KCND2: variants seen among roughly 807,000 people sequenced by gnomAD.
KCND2 encodes the protein A-type voltage-gated potassium channel KCND2.
KCND2 carries 16 observed loss-of-function variants against 54.4 expected under a neutral mutation model. The ratio of observed to expected loss-of-function variants is 0.29; its 90% confidence interval spans 0.20 to 0.45. The LOEUF (loss-of-function observed/expected upper bound fraction) is 0.45, where lower values mean the gene tolerates loss of function less well. Among genes scored for constraint, KCND2 ranks in the 20% least tolerant of loss-of-function variants. The pLI, the probability that KCND2 is intolerant of heterozygous loss-of-function variation, is 1.00. For missense variants in KCND2, 486 were observed against 824.2 expected (o/e 0.59, Z 5.02); for synonymous variants, 317 against 310.7 (o/e 1.02, Z -0.21).
intron 1 of KCND2, among the ~76,000 whole-genome samples, chr7:120,335,198 A>G (rs1800128296): frequency 6.6e-6 from 1 of 151,944 alleles, no homozygotes; most frequent in South Asian, 2.1e-4. Context: ...CCCCGTCTCT[A>G]CTAAAAATAC....
intron 1 of KCND2, among the ~76,000 whole-genome samples, chr7:120,384,903 A>G (rs1800965695): frequency 6.6e-6 from 1 of 152,048 alleles, no homozygotes; most frequent in Non-Finnish European, 1.5e-5. Context: ...AGTTTCGGGA[A>G]GACGAGTTGT....
intron 1 of KCND2, among the ~76,000 whole-genome samples, chr7:120,436,584 T>C (rs1801868960): frequency 6.6e-6 from 1 of 152,178 alleles, no homozygotes; most frequent in African/African-American, 2.4e-5. Context: ...AGAAACTCAA[T>C]CTCAGTCAGC....
At chr7:120,523,163 G>GTAAA (rs1791720590) in intron 1 of KCND2, among the ~76,000 whole-genome samples, 1 of 152,116 alleles carries the variant, frequency 6.6e-6, no homozygotes, top group Non-Finnish European at 1.5e-5. Context: ...ACCATTCTGT[G>GTAAA]ATTGTGTTGT....
At chr7:120,387,919 A>C (rs568385267) in intron 1 of KCND2, among the ~76,000 whole-genome samples, 10 of 152,074 alleles carry the variant, frequency 6.6e-5, no homozygotes, top group Non-Finnish European at 1.0e-4. Context: ...ACAAATCAAC[A>C]TAAATTTATA....
At chr7:120,711,104 G>A (rs999052589) in intron 1 of KCND2, among the ~76,000 whole-genome samples, 1 of 151,740 alleles carries the variant, frequency 6.6e-6, no homozygotes, top group African/African-American at 2.4e-5. Context: ...ACAAAAATAC[G>A]AAATGTAGAT....
chr7:120,336,696 T>C (rs1800156803), intron 1 of KCND2, among the ~76,000 whole-genome samples: 1 of 152,026 alleles, frequency 6.6e-6, no homozygotes, highest in African/African-American at 2.4e-5. Context: ...GTTTTTCTAA[T>C]GGTAGAAGCC....
intron 1 of KCND2, among the ~76,000 whole-genome samples, chr7:120,565,543 A>G (rs1193949783): frequency 6.6e-6 from 1 of 152,220 alleles, no homozygotes; most frequent in Admixed American, 6.5e-5. Flanking sequence ...GAAAAGCTGA[A>G]TTAGGATCCA....
chr7:120,680,229 C>T (rs552528106), intron 1 of KCND2, among the ~76,000 whole-genome samples: 7 of 152,208 alleles, frequency 4.6e-5, no homozygotes, highest in African/African-American at 1.7e-4. Context: ...TGCCTCTTTG[C>T]TCTCTGGCTG....
At chr7:120,287,624 G>A (rs1412651428) in intron 1 of KCND2, among the ~76,000 whole-genome samples, 2 of 152,040 alleles carry the variant, frequency 1.3e-5, no homozygotes, top group African/African-American at 4.8e-5. Flanking sequence ...TTTAAGAGGT[G>A]GGTGGATCAC....
intron 1 of KCND2, among the ~76,000 whole-genome samples, chr7:120,363,574 A>C (rs181733455): frequency 6.6e-6 from 1 of 151,996 alleles, no homozygotes. Flanking sequence ...CTGGTCAGCT[A>C]TTTTGATCTC....
intron 1 of KCND2, among the ~76,000 whole-genome samples, chr7:120,474,167 G>C (rs1047216116): frequency 6.6e-6 from 1 of 152,104 alleles, no homozygotes; most frequent in African/African-American, 2.4e-5. Flanking sequence ...ATTCTCTTTG[G>C]TGAGGCCCTC....
At chr7:120,689,272 G>A (rs1792241274) in intron 1 of KCND2, among the ~76,000 whole-genome samples, 1 of 152,096 alleles carries the variant, frequency 6.6e-6, no homozygotes, top group Non-Finnish European at 1.5e-5. Flanking sequence ...CAGAATAAGA[G>A]GAAATAGTGG....
chr7:120,356,969 G>A (rs1475618612), intron 1 of KCND2, among the ~76,000 whole-genome samples: 1 of 152,026 alleles, frequency 6.6e-6, no homozygotes, highest in East Asian at 1.9e-4. Flanking sequence ...AGACTTCCAG[G>A]CTGAGCTGTG....
At chr7:120,664,756 A>G (rs1009356505) in intron 1 of KCND2, among the ~76,000 whole-genome samples, 2 of 152,050 alleles carry the variant, frequency 1.3e-5, no homozygotes, top group East Asian at 3.9e-4. Context: ...TCCATGTTGC[A>G]TCTACAGCTT....
chr7:120,571,673 T>C (rs1562876206), intron 1 of KCND2, among the ~76,000 whole-genome samples: 1 of 152,222 alleles, frequency 6.6e-6, no homozygotes, highest in Admixed American at 6.5e-5. Context: ...AAAAACCGCA[T>C]AACTCTTTCT....
At chr7:120,663,288 T>A (rs1231803145) in intron 1 of KCND2, among the ~76,000 whole-genome samples, 1 of 152,170 alleles carries the variant, frequency 6.6e-6, no homozygotes, top group South Asian at 2.1e-4. Flanking sequence ...TTATGATCAG[T>A]TGAGCAATCA....
chr7:120,419,945 T>G (rs1477075401), intron 1 of KCND2, among the ~76,000 whole-genome samples: 1 of 151,444 alleles, frequency 6.6e-6, no homozygotes, highest in Non-Finnish European at 1.5e-5. Flanking sequence ...ATTTTTTTCT[T>G]TCTTTTTTTT....
At chr7:120,622,315 A>G (rs1015438005) in intron 1 of KCND2, among the ~76,000 whole-genome samples, 4 of 152,168 alleles carry the variant, frequency 2.6e-5, no homozygotes, top group African/African-American at 9.7e-5. Flanking sequence ...ATGCATGAAG[A>G]CTAATGTATT....
chr7:120,653,583 T>A (rs1358172727), intron 1 of KCND2, among the ~76,000 whole-genome samples: 1 of 152,166 alleles, frequency 6.6e-6, no homozygotes, highest in East Asian at 1.9e-4. Flanking sequence ...TGCAACTAAC[T>A]AGCTATGTGA....
Sources: allele counts gnomAD v4.1 joint callset (sites outside exome capture counted in the v4.1 genomes callset), GRCh38; gene constraint gnomAD v4.1.1; transcripts MANE v1.5; gene names NCBI Gene and HGNC (gene_info 2026-07-23, HGNC 2026-07-21).